MMP8: variants seen among roughly 807,000 people sequenced by gnomAD.
The protein encoded by MMP8 is neutrophil collagenase.
In MMP8, 67 loss-of-function variants were observed where a neutral mutation model predicts 51.2. The observed-to-expected ratio is 1.31, with a 90% CI of 1.08 to 1.60. The LOEUF is 1.60. MMP8 is among the 40% of genes most tolerant of loss of function. The probability of loss-of-function intolerance (pLI) is 0.00; values close to 1 mark genes in which losing one functional copy is unlikely to be tolerated. For missense variants in MMP8, 654 were observed against 558.1 expected (o/e 1.17, Z -1.73); for synonymous variants, 225 against 191.0 (o/e 1.18, Z -1.47).
At chr11:102,717,592 A>T (rs1202617693) in intron 5 of MMP8, among the ~76,000 whole-genome samples, 2 of 152,172 alleles carry the variant, frequency 1.3e-5, no homozygotes, top group Non-Finnish European at 2.9e-5. Context: ...ACTGCTGCAC[A>T]TCACTTCATG....
At position 102,712,132 on chromosome 11, in the gene MMP8, T is replaced by C. The variant is rs1018145046; in HGVS notation, c.*1216A>G. 2 of 152,182 alleles carry C rather than the reference T, an allele frequency of 1.3e-5. No homozygotes were observed. Among genetic ancestry groups the C allele is most frequent in the Admixed American group, 1.3e-4 (2 of 15,286 alleles). 9.4% of individuals were successfully genotyped at this position (152,182 alleles called of 1,614,324 possible). A position where few individuals can be genotyped will look rare whatever the true frequency, so the allele number is the denominator to read the frequency against. On this transcript the variant is annotated 3_prime_UTR_variant, in exon 10 of 10. Transcript: ENST00000236826. The stretch of plus-strand genomic sequence containing the variant: ...CAGTTTAATGCAACTTAATGAGACA[T>C]TGAATTTTATGCAGCTAACCCAAGT...
At position 102,716,423 on chromosome 11, in the gene MMP8, G is replaced by GAGA; in HGVS notation, c.785-5_785-4insTCT. 2 of 394,586 alleles carry GAGA rather than the reference G, an allele frequency of 5.1e-6. No homozygotes were observed. Among genetic ancestry groups the GAGA allele is most frequent in the South Asian group, 2.9e-5 (1 of 34,502 alleles). The allele number at this position is 394,586 out of a possible 1,614,324, so 24.4% of individuals were successfully genotyped here. The stretch of plus-strand genomic sequence containing the variant: ...TGGATAGGGTTGCTTGAAAGTCCTG[G>GAGA]AAAAAAAAAAAAAAAAAAAAAAAAG... On this transcript the variant is annotated splice_region_variant and splice_polypyrimidine_tract_variant and intron_variant, in intron 5 of 9. Transcript: ENST00000236826.
chr11:102,723,517 C>T (rs1373979285), intron 1 of MMP8: 1 of 456,112 alleles, frequency 2.2e-6, no homozygotes. Context: ...CAGGTGGCTG[C>T]ATCTGGTTGG....
chr11:102,714,559 C>A lies in MMP8; in HGVS notation c.1187G>T (p.Trp396Leu). The part of the protein sequence containing the change: ...KTYFFVNDQF[W>L]RYDNQRQFME... ...TTGAAAAAATAGTTTACGTTACCTCCAGAATTGGTCATTTACAAAGAAGTA... is the reference window on the plus strand; with the variant it reads ...TTGAAAAAATAGTTTACGTTACCTCAAGAATTGGTCATTTACAAAGAAGTA... The change falls in exon 8 of 10, where the codon TGG becomes TTG. Residue 396 changes from tryptophan (W) to leucine (L), a missense_variant. By Grantham distance (61) the Trp-to-Leu change is moderately conservative. Transcript: ENST00000236826. 6.8e-7 allele frequency: 1 copy of A among 1,461,054 alleles called. No individual in the cohort carries two copies. The highest frequency in any genetic ancestry group is 9.1e-7 in the Non-Finnish European group (1 of 1,101,968). 90.5% of individuals were successfully genotyped at this position (1,461,054 alleles called of 1,614,324 possible).
Position 102,718,537 on chromosome 11 carries a change from G to C in MMP8, c.661C>G (p.His221Asp), listed in dbSNP as rs1861374096. 1 of 1,613,864 alleles carries C rather than the reference G, an allele frequency of 6.2e-7. No individual in the cohort carries two copies. Among genetic ancestry groups the C allele is most frequent in the Non-Finnish European group, 8.5e-7 (1 of 1,179,852 alleles). The change falls in exon 5 of 10, where the codon CAT (histidine) becomes GAT (aspartate). Residue 221 changes from histidine to aspartate, a missense_variant. Coordinates refer to ENST00000236826, the MANE Select transcript of MMP8 (RefSeq NM_002424.3). ...LFLVAAHEFG[H>D]SLGLAHSSDP... ...GAGGAGTGAGCGAGCCCCAAAGAAT[G>C]GCCAAATTCATGAGCAGCAACAAGA...
At chr11:102,718,349 T>C (rs1456211468) in intron 5 of MMP8, 65 bp downstream of exon 5, 1 of 1,475,506 alleles carries the variant, frequency 6.8e-7, no homozygotes, top group Non-Finnish European at 9.3e-7. Flanking sequence ...GATATTCAGA[T>C]TCTGGGAGTG....
rs527466875 is a variant in MMP8, at chr11:102,724,366, G to A, written c.102+388C>T. Among the ~76,000 whole-genome samples, 11 of 152,190 alleles carry A rather than the reference G, an allele frequency of 7.2e-5. No individual in the cohort carries two copies. In the East Asian group the frequency reaches 2.1e-3, roughly 29 times the overall value. On this transcript the variant is annotated intron_variant, in intron 1 of 9. Coordinates refer to ENST00000236826, the MANE Select transcript of MMP8 (RefSeq NM_002424.3). ...TTTTCTATATCTGGAATTTTTGGCG[G>A]CAAAGAAAATGCCTGTATGGAAGCA...
chr11:102,718,639 T>G, intron 4 of MMP8, 64 bp from the exon 5 acceptor site: 1 of 1,587,438 alleles, frequency 6.3e-7, no homozygotes, highest in Non-Finnish European at 8.6e-7. Context: ...AAACATGATC[T>G]CAAGGAATGC....
intron 4 of MMP8, among the ~76,000 whole-genome samples, chr11:102,718,924 A>G (rs1044965811): frequency 6.6e-6 from 1 of 152,102 alleles, no homozygotes; most frequent in South Asian, 2.1e-4. Flanking sequence ...GCATTCCCAC[A>G]ATCACCATCT....
Position 102,715,317 on chromosome 11 carries a change from A to T in MMP8, c.1023T>A (p.Ile341=), listed in dbSNP as rs1565436517. 1 of 1,611,240 alleles carries T rather than the reference A, an allele frequency of 6.2e-7. No individual in the cohort carries two copies. The highest frequency in any genetic ancestry group is 8.5e-7 in the Non-Finnish European group (1 of 1,179,112). Reference sequence around the variant, plus strand: ...TTAGGAAGTTACCTTTAAATAGGAAAATGAGGTCTCTGTCAAAATCTTCAT... The same window carrying T: ...TTAGGAAGTTACCTTTAAATAGGAATATGAGGTCTCTGTCAAAATCTTCAT... The part of the protein sequence containing the change: ...AAYEDFDRDL[I]FLFKGNQYWA... Residue 341 remains isoleucine (I), a synonymous_variant, in exon 7 of 10, where the codon ATT becomes ATA. Transcript: ENST00000236826.
chr11:102,716,027 C>T (rs35795858), intron 6 of MMP8, among the ~76,000 whole-genome samples: 3,323 of 151,334 alleles, frequency 0.022, 42 homozygotes, highest in Non-Finnish European at 0.036. Context: ...TTTTTTTTCT[C>T]CTGGATGTCT....
rs1326731431 is a variant in MMP8, at chr11:102,722,624, G to A, written c.152C>T (p.Thr51Ile). ...GATCACATTAGTGCCATTCTTCCTT[G>A]TAGACTGATACTGGTTGCTTGGTAA... ...YQLPSNQYQS[T>I]RKNGTNVIVE... Residue 51 changes from threonine to isoleucine, a missense_variant, in exon 2 of 10, where the codon ACA becomes ATA. Coordinates refer to ENST00000236826, the MANE Select transcript of MMP8 (RefSeq NM_002424.3). 2 of 1,613,834 alleles carry A rather than the reference G, an allele frequency of 1.2e-6. No individual in the cohort carries two copies. Among genetic ancestry groups the A allele is most frequent in the Non-Finnish European group, 1.7e-6 (2 of 1,179,816 alleles).
chr11:102,723,242 A>T (rs969053843), intron 1 of MMP8, among the ~76,000 whole-genome samples: 3 of 152,198 alleles, frequency 2.0e-5, no homozygotes. Flanking sequence ...TTTATTCACC[A>T]AAGTAACTCT....
Position 102,721,740 on chromosome 11 carries a change from G to A in MMP8, c.370C>T (p.Leu124=), listed in dbSNP as rs759927501. 1.5e-5 allele frequency: 24 copies of A among 1,613,736 alleles called. No individual in the cohort carries two copies. Among genetic ancestry groups the A allele is most frequent in the Non-Finnish European group, 1.9e-5 (23 of 1,179,774 alleles). The change falls in exon 3 of 10, where the codon CTG becomes TTG. Residue 124 remains leucine, a synonymous_variant. Coordinates refer to ENST00000236826, the MANE Select transcript of MMP8 (RefSeq NM_002424.3). ...GCTCTTTCTACCTCAGCCTCTGACA[G>A]CTGTGGGGTATAGTTTCGAATCCTT... ...TYRIRNYTPQ[L]SEAEVERAIK...
At chr11:102,717,617 C>T (rs1861336847) in intron 5 of MMP8, among the ~76,000 whole-genome samples, 1 of 152,138 alleles carries the variant, frequency 6.6e-6, no homozygotes, top group African/African-American at 2.4e-5. Flanking sequence ...GCAGCTACCA[C>T]ATTTTATCTG....
At chr11:102,718,220 CT>C (rs1481343413) in intron 5 of MMP8, among the ~76,000 whole-genome samples, 193 bp downstream of exon 5, 1 of 152,122 alleles carries the variant, frequency 6.6e-6, no homozygotes, top group South Asian at 2.1e-4. Context: ...TCTTCTTAAA[CT>C]TTTTTTCTTT....
Position 102,720,793 on chromosome 11 carries a change from C to CTAATTTCTAATTATAGAAATTA in MMP8, c.622+586_622+607dup, listed in dbSNP as rs573535413. ...AGGTGTCTGTTCTTTTCTCAATAGACTAATTTCTAATTATAGAAATTATAA... is the reference window on the plus strand; with the variant it reads ...AGGTGTCTGTTCTTTTCTCAATAGACTAATTTCTAATTATAGAAATTATAATTTCTAATTATAGAAATTATAA... On this transcript the variant is annotated intron_variant, in intron 4 of 9. Transcript: ENST00000236826. Among the ~76,000 whole-genome samples the CTAATTTCTAATTATAGAAATTA allele has an allele frequency of 6.8e-3, 1,032 of 152,086 alleles. 4 individuals are homozygous for CTAATTTCTAATTATAGAAATTA. The highest frequency in any genetic ancestry group is 0.012 in the Non-Finnish European group (840 of 67,978).
chr11:102,714,468 G>C, intron 8 of MMP8, 88 bp downstream of exon 8: 1 of 891,516 alleles, frequency 1.1e-6, no homozygotes, highest in Non-Finnish European at 1.5e-6. Context: ...TATCTAGATT[G>C]TTTTAAACCT....
intron 8 of MMP8, 43 bp from the exon 9 acceptor site, chr11:102,713,900 A>C: frequency 1.4e-6 from 2 of 1,468,030 alleles, no homozygotes; most frequent in East Asian, 4.6e-5. Flanking sequence ...CCAATACAGA[A>C]TATAACGAAA....
Sources: allele counts gnomAD v4.1 joint callset (sites outside exome capture counted in the v4.1 genomes callset), GRCh38; gene constraint gnomAD v4.1.1; transcripts MANE v1.5; gene names NCBI Gene and HGNC (gene_info 2026-07-23, HGNC 2026-07-21).